TFAP2D: variants seen among roughly 807,000 people sequenced by gnomAD.
The protein encoded by TFAP2D is transcription factor AP-2-delta.
Under a neutral mutation model 43.6 loss-of-function variants are expected in TFAP2D, and 9 were observed. The ratio of observed to expected loss-of-function variants is 0.21; its 90% confidence interval spans 0.12 to 0.36. TFAP2D has a LOEUF of 0.36. TFAP2D is among the 10% of genes least tolerant of loss of function. TFAP2D has a pLI of 1.00. For missense variants in TFAP2D, 513 were observed against 561.4 expected (o/e 0.91, Z 0.87); for synonymous variants, 256 against 224.9 (o/e 1.14, Z -1.24).
At chr6:50,733,247 A>C (rs1221498459) in intron 5 of TFAP2D, among the ~76,000 whole-genome samples, 1 of 152,038 alleles carries the variant, frequency 6.6e-6, no homozygotes, top group Non-Finnish European at 1.5e-5. Flanking sequence ...CGAAAGCAAT[A>C]CCACATTTAA....
chr6:50,741,844 G>A (rs1769051184), intron 5 of TFAP2D, among the ~76,000 whole-genome samples: 1 of 151,512 alleles, frequency 6.6e-6, no homozygotes, highest in African/African-American at 2.4e-5. Context: ...CATACTTGCT[G>A]TTTGGAAATC....
chr6:50,751,128 A>G, intron 6 of TFAP2D, 83 bp from the exon 7 acceptor site: 1 of 942,680 alleles, frequency 1.1e-6, no homozygotes, highest in Non-Finnish European at 1.6e-6. Context: ...AAAAGAGAGA[A>G]CAAGCCTTTG....
chr6:50,745,173 T>C lies in TFAP2D; in HGVS notation c.950T>C (p.Val317Ala), dbSNP rs775188455. ...GAAACAGAGTTTCCAGCCAAAGCAG[T>C]AGGAGAACATCTTGCCAGACAACAT... ...TCETEFPAKAVGEHLARQHME... is the reference protein window; with the variant it reads ...TCETEFPAKAAGEHLARQHME... The change falls in exon 6 of 8, where the codon GTA becomes GCA. Residue 317 changes from valine to alanine, a missense_variant. By Grantham distance (64) the Val-to-Ala change is moderately conservative. This residue lies in a region of TFAP2D where 199 missense variants were observed against 227.9 expected (regional missense o/e 0.87). Transcript: ENST00000008391. 4.3e-6 allele frequency: 7 copies of C among 1,613,618 alleles called. No homozygotes were observed. Among genetic ancestry groups the C allele is most frequent in the Middle Eastern group, 1.7e-4 (1 of 6,058 alleles).
chr6:50,758,192 T>C (rs1238030475), intron 7 of TFAP2D, among the ~76,000 whole-genome samples: 2 of 151,880 alleles, frequency 1.3e-5, no homozygotes, highest in Non-Finnish European at 2.9e-5. Flanking sequence ...ATAAGGAATG[T>C]ATAGACAGTC....
intron 6 of TFAP2D, among the ~76,000 whole-genome samples, chr6:50,745,600 C>G (rs1769114709): frequency 6.6e-6 from 1 of 152,076 alleles, no homozygotes; most frequent in Non-Finnish European, 1.5e-5. Context: ...CTCATTTTGC[C>G]TTAATAAATG....
chr6:50,749,198 C>T (rs928839738), intron 6 of TFAP2D, among the ~76,000 whole-genome samples: 1 of 151,602 alleles, frequency 6.6e-6, no homozygotes, highest in Non-Finnish European at 1.5e-5. Context: ...TATAATATTA[C>T]TCCTGGTAGA....
chr6:50,731,122 A>C (rs1768886674), intron 5 of TFAP2D, among the ~76,000 whole-genome samples: 1 of 152,028 alleles, frequency 6.6e-6, no homozygotes, highest in African/African-American at 2.4e-5. Flanking sequence ...GTGGAATCCT[A>C]GGATGATCTC....
intron 5 of TFAP2D, among the ~76,000 whole-genome samples, chr6:50,734,112 T>G (rs548536984): frequency 9.9e-5 from 15 of 152,086 alleles, no homozygotes; most frequent in Middle Eastern, 3.4e-3. Context: ...CATCAATCTT[T>G]CTCAGTTTAA....
Position 50,717,444 on chromosome 6 carries a change from T to C in TFAP2D, c.538-1646T>C, listed in dbSNP as rs139302826. Among the ~76,000 whole-genome samples, 5 of 152,344 alleles carry C rather than the reference T, an allele frequency of 3.3e-5. No individual in the cohort carries two copies. In the East Asian group the frequency reaches 9.6e-4, roughly 29 times the overall value. ...CGCCAGAGAGTGGGAGGGAAAGTGA[T>C]TCACTGCTTTGGAGAGCTTTGAGAC... On this transcript the variant is annotated intron_variant, in intron 2 of 7. Coordinates refer to ENST00000008391, the MANE Select transcript of TFAP2D (RefSeq NM_172238.4).
intron 2 of TFAP2D, among the ~76,000 whole-genome samples, chr6:50,718,380 A>T (rs1768661117): frequency 6.6e-6 from 1 of 152,130 alleles, no homozygotes; most frequent in Non-Finnish European, 1.5e-5. Context: ...TTCATGTCCA[A>T]TACCTCGTTT....
At chr6:50,717,300 C>T (rs1171741768) in intron 2 of TFAP2D, among the ~76,000 whole-genome samples, 3 of 152,330 alleles carry the variant, frequency 2.0e-5, no homozygotes, top group South Asian at 4.1e-4. Context: ...TGCCATTCAA[C>T]TGGTCATTTA....
chr6:50,739,899 A>G (rs1769013384), intron 5 of TFAP2D, among the ~76,000 whole-genome samples: 1 of 152,212 alleles, frequency 6.6e-6, no homozygotes, highest in Non-Finnish European at 1.5e-5. Context: ...GACAAAAGCA[A>G]CATCAAACTA....
At chr6:50,750,533 C>A (rs1182578811) in intron 6 of TFAP2D, among the ~76,000 whole-genome samples, 2 of 151,954 alleles carry the variant, frequency 1.3e-5, no homozygotes, top group Non-Finnish European at 2.9e-5. Flanking sequence ...AAAGTCTTTA[C>A]TGTTACATTG....
chr6:50,731,974 G>A (rs1049299215), intron 5 of TFAP2D, among the ~76,000 whole-genome samples: 1 of 151,926 alleles, frequency 6.6e-6, no homozygotes, highest in Non-Finnish European at 1.5e-5. Context: ...TCCAACATGG[G>A]TCTAATGTTT....
At chr6:50,756,865 G>T (rs184153037) in intron 7 of TFAP2D, among the ~76,000 whole-genome samples, 169 of 152,042 alleles carry the variant, frequency 1.1e-3, no homozygotes, top group African/African-American at 3.9e-3. Context: ...AGTAGCCTCA[G>T]CTCAGATGGA....
rs143197272 is a variant in TFAP2D at position 50,769,361 on chromosome 6, G to A, written c.1140-3284G>A. Among the ~76,000 whole-genome samples the A allele has an allele frequency of 4.6e-5, 7 of 152,272 alleles. No individual in the cohort carries two copies. In the East Asian group the frequency reaches 1.2e-3, roughly 25 times the overall value. Reference sequence around the variant, plus strand: ...GGCTAAATAACTTCCTCCAAATCACGAAGTGCCTGACGTCAAAGCCAGTGT... The same window carrying A: ...GGCTAAATAACTTCCTCCAAATCACAAAGTGCCTGACGTCAAAGCCAGTGT... On this transcript the variant is annotated intron_variant, in intron 7 of 7. Transcript: ENST00000008391.
chr6:50,716,038 C>T (rs1271107949), intron 2 of TFAP2D, among the ~76,000 whole-genome samples: 1 of 152,144 alleles, frequency 6.6e-6, no homozygotes, highest in Non-Finnish European at 1.5e-5. Flanking sequence ...ATCGTACCCT[C>T]AATCTCCGCA....
intron 6 of TFAP2D, among the ~76,000 whole-genome samples, chr6:50,750,194 G>A (rs566051097): frequency 1.4e-4 from 22 of 151,908 alleles, no homozygotes; most frequent in African/African-American, 4.6e-4. Flanking sequence ...AATAATGGCC[G>A]GGTTCATATT....
At chr6:50,729,927 T>C (rs1245343402) in intron 5 of TFAP2D, among the ~76,000 whole-genome samples, 1 of 152,186 alleles carries the variant, frequency 6.6e-6, no homozygotes, top group Non-Finnish European at 1.5e-5. Flanking sequence ...CCTCTTTCCT[T>C]TTTTTCTCCT....
Sources: allele counts gnomAD v4.1 joint callset (sites outside exome capture counted in the v4.1 genomes callset), GRCh38; gene constraint gnomAD v4.1.1; regional missense constraint gnomAD v4.1.1; transcripts MANE v1.5; gene names NCBI Gene and HGNC (gene_info 2026-07-23, HGNC 2026-07-21).